GREB1: variants seen among roughly 807,000 people sequenced by gnomAD.
The protein encoded by GREB1 is growth regulating estrogen receptor binding 1, also known as protein GREB1.
In GREB1, 106 loss-of-function variants were observed where a neutral mutation model predicts 200.7. The observed-to-expected ratio is 0.53, with a 90% CI of 0.45 to 0.62. The LOEUF (loss-of-function observed/expected upper bound fraction) is 0.62. Ranked by LOEUF, GREB1 falls within the 20% of genes least tolerant of loss-of-function variation. GREB1 has a pLI of 0.00. For missense variants in GREB1, 2,243 were observed against 2,556.8 expected, an observed-to-expected ratio of 0.88 and a Z score of 2.65; for synonymous variants, 1,132 against 1,092.4, an observed-to-expected ratio of 1.04 and a Z score of -0.72.
intron 16 of GREB1, 149 bp downstream of exon 16, chr2:11,601,144 A>C: frequency 1.6e-6 from 1 of 636,120 alleles, no homozygotes; most frequent in East Asian, 2.9e-5. Context: ...TAGGTTGTAA[A>C]CCCTTCTTGG....
rs1684538841 is a variant in GREB1 at position 11,627,218 on chromosome 2, C to T, written c.4449+114C>T. The T allele has an allele frequency of 3.2e-6, 3 of 943,930 alleles. No individual in the cohort carries two copies. The East Asian group carries it at 8.4e-5, about 26-fold the overall frequency. 58.5% of individuals were successfully genotyped at this position (943,930 alleles called of 1,614,324 possible). ...AGATAGAGAGTTCTGGAAGCCCTGG[C>T]TTCCTGGTCTGCTTGCATCCTCTGT... On this transcript the variant is annotated intron_variant, in intron 25 of 32. Coordinates refer to ENST00000381486, the MANE Select transcript of GREB1 (RefSeq NM_014668.4).
Position 11,618,617 on chromosome 2 carries a change from T to G in GREB1, c.3742T>G (p.Ser1248Ala), listed in dbSNP as rs1362477179. ...GTGGGTCCTGCAGGCCTCCCAGTGCTCCTTGACCAAGGCCTGCCGCCAGCC... is the reference window on the plus strand; with the variant it reads ...GTGGGTCCTGCAGGCCTCCCAGTGCGCCTTGACCAAGGCCTGCCGCCAGCC... ...GTWVLQASQC[S>A]LTKACRQPPI... Residue 1248 changes from serine to alanine, a missense_variant, in exon 22 of 33, where the codon TCC (serine) becomes GCC (alanine). Physicochemically the swap from Ser to Ala is moderately conservative, Grantham distance 99 (BLOSUM62 1). Around this residue, in one of 3 missense-constraint regions of GREB1, gnomAD observed 587 missense variants for 553.1 expected, o/e 1.06. Coordinates refer to ENST00000381486, the MANE Select transcript of GREB1 (RefSeq NM_014668.4). The G allele has an allele frequency of 6.2e-7, 1 of 1,613,142 alleles. No individual in the cohort carries two copies. The highest frequency in any genetic ancestry group is 8.5e-7 in the Non-Finnish European group (1 of 1,179,936).
chr2:11,612,801 TCTC>T (rs1367368361), intron 19 of GREB1, among the ~76,000 whole-genome samples, 191 bp downstream of exon 19: 1 of 152,204 alleles, frequency 6.6e-6, no homozygotes, highest in Non-Finnish European at 1.5e-5. Context: ...CCGTGCCCCT[TCTC>T]CTGATTCTCA....
In GREB1 at chr2:11,640,547, C is replaced by A. The variant is rs1269776664; in HGVS notation, c.*93C>A. The stretch of plus-strand genomic sequence containing the variant: ...AGGCCTGGAACGGTGGGGCGTTTGA[C>A]TGGAATGGACCCCAGGGACTGTCCA... On this transcript the variant is annotated 3_prime_UTR_variant, in exon 33 of 33. Coordinates refer to ENST00000381486, the MANE Select transcript of GREB1 (RefSeq NM_014668.4). This position sits in a 1 kb window ranked among gnomAD's most constrained non-coding sequence, Gnocchi z 4.6. The A allele has an allele frequency of 2.1e-6, 3 of 1,408,204 alleles. No homozygotes were observed. The highest frequency in any genetic ancestry group is 2.8e-5 in the African/African-American group (2 of 70,490). The allele number at this position is 1,408,204 out of a possible 1,614,324, so 87.2% of individuals were successfully genotyped here. A position where few individuals can be genotyped will look rare whatever the true frequency, so the allele number is the denominator to read the frequency against.
rs371313440 is a variant in GREB1 at position 11,525,232 on chromosome 2, C to T, written c.-158-31225C>T. Among the ~76,000 whole-genome samples the T allele has an allele frequency of 1.6e-4, 24 of 152,208 alleles. No individual in the cohort carries two copies. In the East Asian group the frequency reaches 3.7e-3, roughly 23 times the overall value. The stretch of plus-strand genomic sequence containing the variant: ...TTTAAAATGGCATCCGGGCTGGGCA[C>T]GGTGGCTCACGCCTGTAATCTCAGC... On this transcript the variant is annotated intron_variant, in intron 1 of 2. Coordinates refer to the GREB1 transcript ENST00000628795.
chr2:11,585,380 G>C, intron 8 of GREB1, 106 bp downstream of exon 8: 2 of 679,874 alleles, frequency 2.9e-6, no homozygotes, highest in Non-Finnish European at 4.9e-6. Context: ...GAGTGTGAAT[G>C]TGCGTGTGTA....
At chr2:11,562,114 G>T (rs182522743) in intron 2 of GREB1, among the ~76,000 whole-genome samples, 1 of 152,216 alleles carries the variant, frequency 6.6e-6, no homozygotes, top group Non-Finnish European at 1.5e-5. Flanking sequence ...TAGTGTACGC[G>T]CAGCTGTGAC....
intron 3 of GREB1, 167 bp downstream of exon 3, chr2:11,562,749 G>A: frequency 1.4e-6 from 1 of 691,334 alleles, no homozygotes; most frequent in Non-Finnish European, 2.2e-6. Context: ...AGCAGGTGCT[G>A]GCCCGGCCTG....
At chr2:11,624,323 T>A (rs1390592523) in intron 23 of GREB1, among the ~76,000 whole-genome samples, 1 of 150,928 alleles carries the variant, frequency 6.6e-6, no homozygotes, top group Non-Finnish European at 1.5e-5. Context: ...GCCTTTTCTA[T>A]GTTTAGATAC....
chr2:11,517,450 G>A (rs541771944), intron 1 of GREB1: 1 of 152,244 alleles, frequency 6.6e-6, no homozygotes, highest in South Asian at 2.1e-4. Flanking sequence ...AAGCAGGGTT[G>A]GCTTGGTCAG....
intron 1 of GREB1, among the ~76,000 whole-genome samples, chr2:11,546,302 A>G (rs1675272992): frequency 6.6e-6 from 1 of 152,242 alleles, no homozygotes; most frequent in African/African-American, 2.4e-5. Context: ...GTTGGAAGAA[A>G]ATTTCCTGGC....
intron 20 of GREB1, among the ~76,000 whole-genome samples, chr2:11,615,704 C>T (rs139294361): frequency 4.6e-5 from 7 of 152,310 alleles, no homozygotes; most frequent in South Asian, 4.1e-4. Context: ...AACCCAACAG[C>T]GTGCTGTCCA....
At chr2:11,510,917 CCTAT>C in intron 1 of GREB1, among the ~76,000 whole-genome samples, 1 of 152,286 alleles carries the variant, frequency 6.6e-6, no homozygotes, top group Admixed American at 6.5e-5. Context: ...AGGTGATCTG[CCTAT>C]CTCTGCCTCC....
At position 11,618,659 on chromosome 2, in the gene GREB1, C is replaced by T. The variant is rs1419897135; in HGVS notation, c.3784C>T (p.Pro1262Ser). 3 of 1,613,736 alleles carry T rather than the reference C, an allele frequency of 1.9e-6. No homozygotes were observed. Among genetic ancestry groups the T allele is most frequent in the Non-Finnish European group, 2.5e-6 (3 of 1,179,986 alleles). Residue 1262 changes from proline (P) to serine (S), a missense_variant, in exon 22 of 33, where the codon CCC (proline) becomes TCC (serine). Pro to Ser is a moderately conservative substitution (Grantham distance 74, BLOSUM62 -1). This residue lies in a region of GREB1 where 587 missense variants were observed against 553.1 expected (regional missense o/e 1.06). Transcript: ENST00000381486. The stretch of plus-strand genomic sequence containing the variant: ...CCGCCAGCCACCCATTGTCTTCTTG[C>T]CCAAGCTCGTGTACGACATGGTTGT... The part of the protein sequence containing the change: ...ACRQPPIVFL[P>S]KLVYDMVVST...
At chr2:11,635,882 G>T (rs1685277496) in intron 30 of GREB1, among the ~76,000 whole-genome samples, 1 of 152,218 alleles carries the variant, frequency 6.6e-6, no homozygotes, top group Non-Finnish European at 1.5e-5. Context: ...ATCACAGCAA[G>T]TCTTGATAGC....
rs145356092 is a variant in GREB1 at position 11,507,183 on chromosome 2, C to T, written c.-159+24802C>T. Among the ~76,000 whole-genome samples, 306 of 152,168 alleles carry T rather than the reference C, an allele frequency of 2.0e-3. 9 individuals carry two copies. The East Asian group carries it at 0.052, about 26-fold the overall frequency. On this transcript the variant is annotated intron_variant, in intron 1 of 2. Transcript: ENST00000628795. ...CAGCACTCTGGGAGGCCAAGGCAGG[C>T]GGATCACCTGAGGTCAGGAGTTTCA...
chr2:11,557,431 C>A (rs565572467), intron 2 of GREB1, among the ~76,000 whole-genome samples: 16 of 152,292 alleles, frequency 1.1e-4, no homozygotes, highest in African/African-American at 3.9e-4. Flanking sequence ...TACCCGCAGA[C>A]TTCTCTTAGT....
chr2:11,573,103 G>C (rs886183461), intron 4 of GREB1, among the ~76,000 whole-genome samples: 1 of 152,176 alleles, frequency 6.6e-6, no homozygotes, highest in African/African-American at 2.4e-5. Flanking sequence ...ACTGTAGTTA[G>C]GATTTGAACC....
At chr2:11,546,133 T>G (rs1337857368) in intron 1 of GREB1, among the ~76,000 whole-genome samples, 2 of 152,060 alleles carry the variant, frequency 1.3e-5, no homozygotes, top group African/African-American at 4.8e-5. Flanking sequence ...GCTGAGATCG[T>G]GCCACTGAAC....
Sources: allele counts gnomAD v4.1 joint callset (sites outside exome capture counted in the v4.1 genomes callset), GRCh38; gene constraint gnomAD v4.1.1; regional missense constraint gnomAD v4.1.1; non-coding constraint Gnocchi (gnomAD v3.1); transcripts MANE v1.5; gene names NCBI Gene and HGNC (gene_info 2026-07-23, HGNC 2026-07-21).